EXT1: variants seen among roughly 807,000 people sequenced by gnomAD.
EXT1 encodes the protein exostosin-1.
Under a neutral mutation model 82.5 loss-of-function variants are expected in EXT1, and 20 were observed. The observed-to-expected ratio is 0.24, with a 90% CI of 0.17 to 0.35. The LOEUF (loss-of-function observed/expected upper bound fraction) is 0.35. EXT1 is among the 10% of genes least tolerant of loss of function. EXT1 has a pLI of 1.00. For synonymous variants in EXT1, 348 were observed against 350.8 expected (o/e 0.99, Z 0.09); for missense variants, 757 against 936.5 (o/e 0.81, Z 2.50).
chr8:118,022,116 C>A (rs1463488138), intron 1 of EXT1, among the ~76,000 whole-genome samples: 2 of 152,108 alleles, frequency 1.3e-5, no homozygotes, highest in African/African-American at 4.8e-5. Context: ...AGCCTTCCAA[C>A]TCACAAAATT....
chr8:117,811,450 C>T (rs13281310), intron 8 of EXT1, among the ~76,000 whole-genome samples: 1 of 152,110 alleles, frequency 6.6e-6, no homozygotes, highest in African/African-American at 2.4e-5. Flanking sequence ...TGCATCCCCC[C>T]ACCCTGGCCC....
chr8:118,006,285 C>T (rs183410371), intron 1 of EXT1, among the ~76,000 whole-genome samples: 1 of 152,318 alleles, frequency 6.6e-6, no homozygotes, highest in East Asian at 1.9e-4. Flanking sequence ...TCCACCTTTC[C>T]TGCTTCTGTT....
chr8:117,799,197 T>TG lies in EXT1; in HGVS notation c.*514dup. ...AATTTGCACTGGCAAAGTTGAATAA[T>TG]GAAGTTACAACTTATGCTCAGTTAT... On this transcript the variant is annotated 3_prime_UTR_variant, in exon 11 of 11. Coordinates refer to ENST00000378204, the MANE Select transcript of EXT1 (RefSeq NM_000127.3). 1.8e-5 allele frequency: 3 copies of TG among 162,814 alleles called. No individual in the cohort carries two copies. The Admixed American group carries it at 1.9e-4, about 10-fold the overall frequency. The allele number at this position is 162,814 out of a possible 1,614,324, so 10.1% of individuals were successfully genotyped here.
At chr8:117,905,388 T>C (rs4391466) in intron 1 of EXT1, among the ~76,000 whole-genome samples, 46,479 of 152,158 alleles carry the variant, frequency 0.31, 7,428 homozygotes, top group East Asian at 0.37. Context: ...CAAGTCCTGT[T>C]GTTTTAATAT....
At chr8:118,050,645 T>C in intron 1 of EXT1, among the ~76,000 whole-genome samples, 1 of 151,950 alleles carries the variant, frequency 6.6e-6, no homozygotes, top group East Asian at 1.9e-4. Flanking sequence ...AGTGTGGCTG[T>C]ATTCCAATAA....
intron 1 of EXT1, among the ~76,000 whole-genome samples, chr8:117,858,800 C>CAGGAAGGAAGG (rs1316230964): frequency 8.4e-5 from 6 of 71,766 alleles, no homozygotes; most frequent in African/African-American, 4.7e-4. Context: ...CAAGGCAAGG[C>CAGGAAGGAAGG]AAGGCAAGGC....
rs908515921 is a variant in EXT1, at chr8:117,863,289, A to T, written c.963-26088T>A. On this transcript the variant is annotated intron_variant, in intron 1 of 10. Coordinates refer to ENST00000378204, the MANE Select transcript of EXT1 (RefSeq NM_000127.3). Reference sequence around the variant, plus strand: ...AGACACACAGCTACTATGCACTAGAACCCAGACTGGAACGGTAGTGGTCTG... The same window carrying T: ...AGACACACAGCTACTATGCACTAGATCCCAGACTGGAACGGTAGTGGTCTG... Among the ~76,000 whole-genome samples, 8 of 149,664 alleles carry T rather than the reference A, an allele frequency of 5.3e-5. 1 individual carries two copies. Among genetic ancestry groups the T allele is most frequent in the Middle Eastern group, 3.2e-3 (1 of 314 alleles).
chr8:117,972,091 G>A (rs545236870), intron 1 of EXT1, among the ~76,000 whole-genome samples: 4 of 151,492 alleles, frequency 2.6e-5, no homozygotes, highest in East Asian at 1.9e-4. Flanking sequence ...CTGAGGTTGC[G>A]GTGAGCCGAG....
chr8:118,017,371 T>A (rs573357309), intron 1 of EXT1, among the ~76,000 whole-genome samples: 6 of 152,300 alleles, frequency 3.9e-5, no homozygotes, highest in South Asian at 2.1e-4. Flanking sequence ...TCAGGTTTTA[T>A]ATGAAACAAA....
intron 1 of EXT1, among the ~76,000 whole-genome samples, chr8:118,069,504 T>A (rs192878945): frequency 6.6e-6 from 1 of 152,108 alleles, no homozygotes; most frequent in South Asian, 2.1e-4. Flanking sequence ...ATGAAGCAGA[T>A]AAGAGAGCAA....
intron 1 of EXT1, among the ~76,000 whole-genome samples, chr8:117,864,639 C>T (rs57678728): frequency 0.035 from 5,268 of 151,760 alleles, 322 homozygotes; most frequent in African/African-American, 0.12. Flanking sequence ...GTCCCAGCTA[C>T]TTGGGAGGCT....
In EXT1 at chr8:118,110,894, C is replaced by G. The variant is rs1586280151; in HGVS notation, c.153G>C (p.Pro51=). 6.2e-7 allele frequency: 1 copy of G among 1,613,872 alleles called. No homozygotes were observed. The change falls in exon 1 of 11, where the codon CCG becomes CCC. Residue 51 remains proline (P), a synonymous_variant. Transcript: ENST00000378204. ...SGRNGLHHPS[P]DHFWPRFPDA... ...CCGGGAAGCGGGGCCAGAAATGATC[C>G]GGACTGGGGTGGTGCAAGCCATTCC...
At chr8:117,981,367 C>T (rs1210799341) in intron 1 of EXT1, among the ~76,000 whole-genome samples, 1 of 152,088 alleles carries the variant, frequency 6.6e-6, no homozygotes, top group Non-Finnish European at 1.5e-5. Flanking sequence ...TAAGGTTGTT[C>T]CAAGAATAGA....
rs147184716 is a variant in EXT1, at chr8:118,104,265, C to A, written c.962+5820G>T. 3.9e-5 allele frequency among the ~76,000 whole-genome samples: 6 copies of A among 152,262 alleles called. No homozygotes were observed. The East Asian group carries it at 9.6e-4, about 24-fold the overall frequency. On this transcript the variant is annotated intron_variant, in intron 1 of 10. Transcript: ENST00000378204. ...GAGGGAATCCTGTTTATTACAGGAG[C>A]CTGGTCAAGGTGGAAGAGGTTTTAA...
chr8:118,055,166 C>T (rs1457393179), intron 1 of EXT1, among the ~76,000 whole-genome samples: 1 of 152,186 alleles, frequency 6.6e-6, no homozygotes, highest in Non-Finnish European at 1.5e-5. Flanking sequence ...CATTGTACTG[C>T]AACCACTAAT....
intron 1 of EXT1, among the ~76,000 whole-genome samples, chr8:118,046,401 A>G (rs555136914): frequency 1.3e-5 from 2 of 152,012 alleles, no homozygotes; most frequent in South Asian, 2.1e-4. Context: ...GGTGGTGTGC[A>G]CTCCACCAGC....
At chr8:117,908,916 G>A (rs4876769) in intron 1 of EXT1, among the ~76,000 whole-genome samples, 77,685 of 151,568 alleles carry the variant, frequency 0.51, 20,220 homozygotes, top group Middle Eastern at 0.63. Flanking sequence ...TTGAGCCCAG[G>A]AGTTCAAAAC....
intron 1 of EXT1, among the ~76,000 whole-genome samples, chr8:118,092,677 G>C (rs907900226): frequency 2.6e-5 from 4 of 152,164 alleles, no homozygotes; most frequent in African/African-American, 9.7e-5. Flanking sequence ...AAGTCCCTCC[G>C]CACGTGTTGG....
At chr8:117,890,996 T>C (rs1813232561) in intron 1 of EXT1, among the ~76,000 whole-genome samples, 1 of 152,188 alleles carries the variant, frequency 6.6e-6, no homozygotes, top group Admixed American at 6.5e-5. Flanking sequence ...ACCCCCATCC[T>C]GTGACCAGGC....
Sources: allele counts gnomAD v4.1 joint callset (sites outside exome capture counted in the v4.1 genomes callset), GRCh38; gene constraint gnomAD v4.1.1; transcripts MANE v1.5; gene names NCBI Gene and HGNC (gene_info 2026-07-23, HGNC 2026-07-21).